The following CEP76 variants were observed in gnomAD, a reference collection of about 807,000 sequenced individuals.
CEP76 encodes centrosomal protein of 76 kDa.
In CEP76, 55 loss-of-function variants were observed where a neutral mutation model predicts 83.3. The observed-to-expected ratio is 0.66, with a 90% CI of 0.53 to 0.83. CEP76 has a LOEUF of 0.83. CEP76 is among the 40% of genes least tolerant of loss of function. CEP76 has a pLI of 0.00. For synonymous variants in CEP76, 270 were observed against 274.5 expected, an observed-to-expected ratio of 0.98 and a Z score of 0.16; for missense variants, 694 against 799.5, an observed-to-expected ratio of 0.87 and a Z score of 1.59.
downstream of CEP76, chr18:12,672,592 G>A (rs780840725): frequency 1.4e-5 from 13 of 914,440 alleles, no homozygotes; most frequent in Non-Finnish European, 1.7e-5. Context: ...AATCCATGAA[G>A]AGGCTAATAA....
At chr18:12,662,554 T>C (rs2144938490) in intron 12 of CEP76, among the ~76,000 whole-genome samples, 1 of 152,268 alleles carries the variant, frequency 6.6e-6, no homozygotes, top group Admixed American at 6.5e-5. Flanking sequence ...GGCAGGAGCA[T>C]CATTTGAGCT....
At chr18:12,702,403 C>T in intron 1 of CEP76, 83 bp downstream of exon 1, 9 of 1,053,248 alleles carry the variant, frequency 8.5e-6, no homozygotes, top group Non-Finnish European at 1.3e-5. Flanking sequence ...CAAGCAGATG[C>T]CGCTGTCGGC....
rs968196006 is a variant in CEP76 at position 12,680,810 on chromosome 18, C to T, written c.1141G>A (p.Ala381Thr). 4.3e-6 allele frequency: 7 copies of T among 1,610,362 alleles called. No homozygotes were observed. Among genetic ancestry groups the T allele is most frequent in the Admixed American group, 1.7e-5 (1 of 58,986 alleles). The change falls in exon 9 of 12, where the codon GCT (alanine) becomes ACT (threonine). Residue 381 changes from alanine to threonine, a missense_variant. Transcript: ENST00000262127. ...AGAAGAAGGCTGCACAGAAGGTTAG[C>T]GTGATCTTCACAGTCACCCTGGAAG... is the stretch of plus-strand genomic sequence containing the variant. Reference protein sequence around the residue: ...CRNKGDCEDHANLLCSLLLGY... With the variant: ...CRNKGDCEDHTNLLCSLLLGY...
intron 5 of CEP76, among the ~76,000 whole-genome samples, chr18:12,696,668 T>C (rs1004208354): frequency 7.2e-5 from 11 of 152,144 alleles, no homozygotes; most frequent in Non-Finnish European, 1.3e-4. Context: ...ATGTGTTACA[T>C]AGCGGGCAGT....
At chr18:12,667,848 CTTT>C (rs36019439), downstream of CEP76, among the ~76,000 whole-genome samples, 11,127 of 116,632 alleles carry the variant, frequency 0.095, 689 homozygotes, top group Non-Finnish European at 0.14. Flanking sequence ...CTTTCTGATC[CTTT>C]TTTTTTTTTT....
chr18:12,693,114 G>C (rs2039827539), intron 6 of CEP76, among the ~76,000 whole-genome samples: 1 of 152,020 alleles, frequency 6.6e-6, no homozygotes, highest in African/African-American at 2.4e-5. Flanking sequence ...TAATTAGCCT[G>C]GCTAAAAGTT....
In CEP76 at chr18:12,701,129, A is replaced by G. The variant is rs199570783; in HGVS notation, c.64-16T>C. The stretch of plus-strand genomic sequence containing the variant: ...GGACATCCATCTATGTAGAAAACTC[A>G]TATTACAATTTATAACATCACAAAG... On this transcript the variant is annotated splice_polypyrimidine_tract_variant and intron_variant, in intron 1 of 11. Coordinates refer to ENST00000262127, the MANE Select transcript of CEP76 (RefSeq NM_024899.4). 166 of 1,596,686 alleles carry G rather than the reference A, an allele frequency of 1.0e-4. No individual in the cohort carries two copies. The African/African-American group carries it at 1.5e-3, about 14-fold the overall frequency.
rs771855560 is a variant in CEP76 at position 12,691,477 on chromosome 18, T to C, written c.815A>G (p.Glu272Gly). The C allele has an allele frequency of 1.3e-6, 2 of 1,593,276 alleles. No individual in the cohort carries two copies. The highest frequency in any genetic ancestry group is 2.2e-5 in the East Asian group (1 of 44,602). Reference protein sequence around the residue: ...QEVVNTQLALERQKTAEKERL... With the variant: ...QEVVNTQLALGRQKTAEKERL... Reference sequence around the variant, plus strand: ...CTCTTTCTCTGCAGTTTTCTGACGTTCCAAAGCAAGCTTGAAATTGAAAAA... The same window carrying C: ...CTCTTTCTCTGCAGTTTTCTGACGTCCCAAAGCAAGCTTGAAATTGAAAAA... Residue 272 changes from glutamate (E) to glycine (G), a missense_variant, in exon 7 of 12, where the codon GAA becomes GGA. Glu to Gly is a moderately conservative substitution (Grantham distance 98). Coordinates refer to ENST00000262127, the MANE Select transcript of CEP76 (RefSeq NM_024899.4).
At chr18:12,702,130 G>GA (rs1437744087) in intron 1 of CEP76, among the ~76,000 whole-genome samples, 8 of 151,810 alleles carry the variant, frequency 5.3e-5, no homozygotes, top group East Asian at 1.9e-4. Context: ...TCTCAAGAAA[G>GA]AAAAAAAACC....
In CEP76 at chr18:12,678,336, G is replaced by A. The variant is rs755686355; in HGVS notation, c.1396C>T (p.Leu466=). The change falls in exon 10 of 12, where the codon CTG becomes TTG. Residue 466 remains leucine, a synonymous_variant. Transcript: ENST00000262127. Reference sequence around the variant, plus strand: ...GCATCAGAGGGTTGACAATTTCCCAGGAACATCTGATGGTTGAAAACACAA... The same window carrying A: ...GCATCAGAGGGTTGACAATTTCCCAAGAACATCTGATGGTTGAAAACACAA... ...IGCVFNHQMF[L]GNCQPSDAVE... The A allele has an allele frequency of 6.2e-7, 1 of 1,614,086 alleles. No individual in the cohort carries two copies.
chr18:12,691,589 A>C, intron 6 of CEP76, 102 bp from the exon 7 acceptor site: 1 of 762,296 alleles, frequency 1.3e-6, no homozygotes, highest in Non-Finnish European at 2.0e-6. Flanking sequence ...TACCACCCTA[A>C]TCTGAGTCAT....
intron 10 of CEP76, among the ~76,000 whole-genome samples, 174 bp downstream of exon 10, chr18:12,677,935 G>A (rs12457771): frequency 0.24 from 36,065 of 152,068 alleles, 4,966 homozygotes; most frequent in Non-Finnish European, 0.32. Flanking sequence ...AGATTTTTGA[G>A]TCTCAGAACT....
chr18:12,674,494 G>A lies in CEP76; in HGVS notation c.1841+42C>T, dbSNP rs779965615. ...AAACCCCTGCCGGACTGATCTGTAA[G>A]ACTCCTAAACTGAAAAAATGATTCC... On this transcript the variant is annotated intron_variant, in intron 11 of 11. Transcript: ENST00000262127. 7.0e-6 allele frequency: 10 copies of A among 1,418,520 alleles called. No homozygotes were observed. In the South Asian group the frequency reaches 1.2e-4, roughly 17 times the overall value. 87.9% of individuals were successfully genotyped at this position (1,418,520 alleles called of 1,614,324 possible). A position where few individuals can be genotyped will look rare whatever the true frequency, so the allele number is the denominator to read the frequency against.
At chr18:12,675,480 A>T (rs904500347) in intron 10 of CEP76, among the ~76,000 whole-genome samples, 3 of 152,130 alleles carry the variant, frequency 2.0e-5, no homozygotes, top group Admixed American at 6.6e-5. Context: ...CCTACCATAA[A>T]CTCAACTACA....
At chr18:12,695,486 C>A in intron 5 of CEP76, 135 bp from the exon 6 acceptor site, 1 of 452,850 alleles carries the variant, frequency 2.2e-6, no homozygotes, top group Non-Finnish European at 4.0e-6. Context: ...TCAACATTAC[C>A]TTTAATATTC....
Position 12,672,790 on chromosome 18 carries a change from TA to T in CEP76, c.*574del. 1 of 980,648 alleles carries T rather than the reference TA, an allele frequency of 1.0e-6. No individual in the cohort carries two copies. Among genetic ancestry groups the T allele is most frequent in the Non-Finnish European group, 1.2e-6 (1 of 825,464 alleles). 60.7% of individuals were successfully genotyped at this position (980,648 alleles called of 1,614,324 possible). Reference sequence around the variant, plus strand: ...GTTATTAATATTTATGCTTTTCTGGTATTAGTTTTTTCCTACTCTTGCTTCA... The same window carrying T: ...GTTATTAATATTTATGCTTTTCTGGTTTAGTTTTTTCCTACTCTTGCTTCA... On this transcript the variant is annotated 3_prime_UTR_variant, in exon 12 of 12. Transcript: ENST00000262127.
chr18:12,686,812 T>C (rs1000163509), intron 7 of CEP76: 18 of 164,802 alleles, frequency 1.1e-4, no homozygotes, highest in Non-Finnish European at 4.0e-5. Context: ...CATTACCATA[T>C]AGAATTTAAC....
chr18:12,702,413 C>T, intron 1 of CEP76, 73 bp downstream of exon 1: 2 of 1,210,266 alleles, frequency 1.7e-6, no homozygotes, highest in Non-Finnish European at 2.4e-6. Context: ...CCGCTGTCGG[C>T]CCGGGGCCGC....
chr18:12,679,351 C>T (rs1037041685), intron 9 of CEP76: 2 of 152,358 alleles, frequency 1.3e-5, no homozygotes, highest in South Asian at 2.1e-4. Context: ...GAGCTTGGCC[C>T]CTCCTCTTCC....
Sources: allele counts gnomAD v4.1 joint callset (sites outside exome capture counted in the v4.1 genomes callset), GRCh38; gene constraint gnomAD v4.1.1; transcripts MANE v1.5; gene names NCBI Gene and HGNC (gene_info 2026-07-23, HGNC 2026-07-21).